Variants in SYT3 observed in about 807,000 individuals in gnomAD.
SYT3 encodes synaptotagmin 3.
SYT3 carries 25 observed loss-of-function variants against 50.6 expected under a neutral mutation model. The observed-to-expected ratio is 0.49, with a 90% CI of 0.36 to 0.69. The LOEUF (loss-of-function observed/expected upper bound fraction) is 0.69. Among genes scored for constraint, SYT3 ranks in the 30% least tolerant of loss-of-function variants. The pLI is 0.00. For missense variants in SYT3, 589 were observed against 793.6 expected, an observed-to-expected ratio of 0.74 and a Z score of 3.10; for synonymous variants, 323 against 353.9, an observed-to-expected ratio of 0.91 and a Z score of 0.98.
chr19:50,626,252 GGA>G, intron 6 of SYT3: 52 of 490,018 alleles, frequency 1.1e-4, no homozygotes, highest in South Asian at 1.5e-4. Context: ...ATGAGTGAGG[GGA>G]GAGAGAGAGG....
Position 50,632,895 on chromosome 19 carries a change from C to T in SYT3, c.149-84G>A. ...TGCTGTCCCCAAAGAGTTAACCCTT[C>T]ATATTTGCCATGCAATTGTCCATGC... is the stretch of plus-strand genomic sequence containing the variant. On this transcript the variant is annotated intron_variant, in intron 3 of 10. Coordinates refer to ENST00000600079, the MANE Select transcript of SYT3 (RefSeq NM_001160329.2). This position sits in a 1 kb window ranked among gnomAD's most constrained non-coding sequence, Gnocchi z 4.7. The T allele has an allele frequency of 1.7e-6, 2 of 1,176,820 alleles. No homozygotes were observed. The highest frequency in any genetic ancestry group is 2.3e-6 in the Non-Finnish European group (2 of 883,640). 72.9% of individuals were successfully genotyped at this position (1,176,820 alleles called of 1,614,324 possible). A position where few individuals can be genotyped will look rare whatever the true frequency, so the allele number is the denominator to read the frequency against.
chr19:50,625,984 G>C lies in SYT3; in HGVS notation c.1315C>G (p.Leu439Val). Reference sequence around the variant, plus strand: ...CGCCCGGCCGTGGGGAGGTAGCAGAGTGAGAAGTTGAGCTCCCCAAGATCT... The same window carrying C: ...CGCCCGGCCGTGGGGAGGTAGCAGACTGAGAAGTTGAGCTCCCCAAGATCT... ...KADLGELNFS[L>V]CYLPTAGRLT... The change falls in exon 7 of 11, where the codon CTC (leucine) becomes GTC (valine). Residue 439 changes from leucine to valine, a missense_variant. Physicochemically the swap from Leu to Val is conservative, Grantham distance 32 (BLOSUM62 1). Around this residue, in one of 2 missense-constraint regions of SYT3, gnomAD observed 273 missense variants for 439.3 expected, o/e 0.62. Transcript: ENST00000600079. This position sits in a 1 kb window ranked among gnomAD's most constrained non-coding sequence, Gnocchi z 7.5. 2 of 1,614,140 alleles carry C rather than the reference G, an allele frequency of 1.2e-6. No individual in the cohort carries two copies. Among genetic ancestry groups the C allele is most frequent in the Non-Finnish European group, 1.7e-6 (2 of 1,180,002 alleles).
the SYT3 span, among the ~76,000 whole-genome samples, chr19:50,648,471 G>C: frequency 1.3e-5 from 2 of 152,118 alleles, no homozygotes; most frequent in Non-Finnish European, 2.9e-5. Context: ...AATAAGCGAA[G>C]GTCCAGCTTC....
At chr19:50,653,681 AG>A in the SYT3 span, among the ~76,000 whole-genome samples, 2 of 120,764 alleles carry the variant, frequency 1.7e-5, no homozygotes, top group Admixed American at 1.0e-4. Context: ...AATGAGAGAC[AG>A]CACACACACA....
Position 50,632,354 on chromosome 19 carries a change from G to A in SYT3, c.606C>T (p.Pro202=), listed in dbSNP as rs1182876758. Residue 202 remains proline, a synonymous_variant, in exon 4 of 11, where the codon CCC becomes CCT. Coordinates refer to ENST00000600079, the MANE Select transcript of SYT3 (RefSeq NM_001160329.2). This position sits in a 1 kb window ranked among gnomAD's most constrained non-coding sequence, Gnocchi z 4.7. ...CACTGGGCAAGCCCCCACCACTGGG[G>A]GGCAGCAGGAGCAACCCAGAGCCTG... ...GGAGSGLLLL[P]PSGGGLPSAQ... 5 of 1,609,044 alleles carry A rather than the reference G, an allele frequency of 3.1e-6. No homozygotes were observed. Among genetic ancestry groups the A allele is most frequent in the Non-Finnish European group, 4.3e-6 (5 of 1,176,144 alleles).
chr19:50,631,245 G>T (rs1452886259), intron 4 of SYT3, among the ~76,000 whole-genome samples: 1 of 149,956 alleles, frequency 6.7e-6, no homozygotes, highest in African/African-American at 2.5e-5. Flanking sequence ...TTGGCTCCCA[G>T]GTTCAAGAGA....
At chr19:50,645,522 C>G in the SYT3 span, among the ~76,000 whole-genome samples, 25 of 152,154 alleles carry the variant, frequency 1.6e-4, no homozygotes, top group African/African-American at 5.5e-4. Flanking sequence ...GATGGAGATA[C>G]AGAGACATAC....
At chr19:50,635,162 C>A (rs947551122) in intron 3 of SYT3, among the ~76,000 whole-genome samples, 2 of 152,108 alleles carry the variant, frequency 1.3e-5, no homozygotes, top group South Asian at 2.1e-4. Flanking sequence ...CCCACCTCAG[C>A]CTCCCAAAGT....
chr19:50,657,912 G>A, the SYT3 span: 18 of 1,434,122 alleles, frequency 1.3e-5, no homozygotes, highest in South Asian at 1.6e-4. Context: ...TCTGCAGGTG[G>A]GGTCTAGGGT....
chr19:50,644,162 T>TTGAA (rs995051665), upstream of SYT3, among the ~76,000 whole-genome samples: 7 of 152,290 alleles, frequency 4.6e-5, no homozygotes, highest in Middle Eastern at 0.01. Flanking sequence ...TATTGGTTGG[T>TTGAA]TGAATGAATG....
the SYT3 span, chr19:50,649,374 G>A: frequency 6.9e-7 from 1 of 1,450,256 alleles, no homozygotes; most frequent in East Asian, 2.5e-5. Flanking sequence ...GGGAGAAGGA[G>A]CTGGGGTGGG....
intron 2 of SYT3, among the ~76,000 whole-genome samples, chr19:50,638,618 G>A (rs1448814984): frequency 1.3e-5 from 2 of 152,142 alleles, no homozygotes; most frequent in Non-Finnish European, 2.9e-5. Flanking sequence ...AATTCACGGG[G>A]GCTTGAGAGA....
upstream of SYT3, among the ~76,000 whole-genome samples, chr19:50,640,133 C>T (rs537421206): frequency 6.6e-6 from 1 of 152,320 alleles, no homozygotes; most frequent in Non-Finnish European, 1.5e-5. Flanking sequence ...GGACCCCAGG[C>T]CCCTCTTCCC....
intron 3 of SYT3, among the ~76,000 whole-genome samples, chr19:50,634,275 G>A (rs998151178): frequency 3.9e-5 from 6 of 152,316 alleles, no homozygotes; most frequent in African/African-American, 1.4e-4. Flanking sequence ...AGTGGGTTAT[G>A]GTGGGGAAGC....
intron 4 of SYT3, among the ~76,000 whole-genome samples, chr19:50,631,215 T>G (rs962868300): frequency 8.7e-5 from 13 of 149,654 alleles, no homozygotes; most frequent in African/African-American, 3.2e-4. Flanking sequence ...CTGCCCAGGC[T>G]GGAGTACAGT....
chr19:50,624,472 T>C (rs1983968257), intron 9 of SYT3, among the ~76,000 whole-genome samples: 1 of 152,162 alleles, frequency 6.6e-6, no homozygotes, highest in South Asian at 2.1e-4. Context: ...TTTCTAAAGC[T>C]ACTTCTTTGC....
upstream of SYT3, among the ~76,000 whole-genome samples, chr19:50,641,168 A>ATTTTT (rs566141853): frequency 3.3e-5 from 2 of 60,218 alleles, no homozygotes; most frequent in African/African-American, 7.5e-5. Flanking sequence ...GAGCCCAGGA[A>ATTTTT]TTTTTTTTTT....
At chr19:50,644,567 G>A (rs1984732593), upstream of SYT3, among the ~76,000 whole-genome samples, 1 of 151,892 alleles carries the variant, frequency 6.6e-6, no homozygotes, top group Admixed American at 6.6e-5. Context: ...TAGTTGGATG[G>A]GATGGATGGA....
chr19:50,644,416 TG>T (rs1568419346), upstream of SYT3, among the ~76,000 whole-genome samples: 1 of 151,698 alleles, frequency 6.6e-6, no homozygotes, highest in Non-Finnish European at 1.5e-5. Flanking sequence ...AGAGTGGGGA[TG>T]GATAGATGGA....
Sources: allele counts gnomAD v4.1 joint callset (sites outside exome capture counted in the v4.1 genomes callset), GRCh38; gene constraint gnomAD v4.1.1; regional missense constraint gnomAD v4.1.1; non-coding constraint Gnocchi (gnomAD v3.1); transcripts MANE v1.5; gene names NCBI Gene and HGNC (gene_info 2026-07-23, HGNC 2026-07-21).